The following VSTM2L variants were observed in gnomAD, a reference collection of about 807,000 sequenced individuals.
VSTM2L encodes V-set and transmembrane domain containing 2 like.
Under a neutral mutation model 19.9 loss-of-function variants are expected in VSTM2L, and 9 were observed. That is an observed-to-expected ratio of 0.45 (90% CI 0.27 to 0.79). The LOEUF (loss-of-function observed/expected upper bound fraction) is 0.79. Ranked by LOEUF, VSTM2L falls within the 30% of genes least tolerant of loss-of-function variation. The probability of loss-of-function intolerance (pLI) is 0.15; values close to 1 mark genes in which losing one functional copy is unlikely to be tolerated. For synonymous variants in VSTM2L, 127 were observed against 133.8 expected (o/e 0.95, Z 0.35); for missense variants, 286 against 295.5 (o/e 0.97, Z 0.24).
chr20:37,915,835 C>T (rs991385987), intron 1 of VSTM2L, among the ~76,000 whole-genome samples: 2 of 152,072 alleles, frequency 1.3e-5, no homozygotes, highest in African/African-American at 2.4e-5. Flanking sequence ...CACTGGGCAC[C>T]CTCAGAGCCT....
At chr20:37,919,243 CCTT>C (rs1313379048) in intron 1 of VSTM2L, among the ~76,000 whole-genome samples, 5 of 152,232 alleles carry the variant, frequency 3.3e-5, no homozygotes, top group Admixed American at 6.5e-5. Flanking sequence ...TTACAAAATG[CCTT>C]CTTCTTGGCT....
chr20:37,936,724 G>A (rs956180128), intron 3 of VSTM2L, among the ~76,000 whole-genome samples: 7 of 152,294 alleles, frequency 4.6e-5, no homozygotes, highest in Middle Eastern at 3.4e-3. Context: ...CCTGGTTCCA[G>A]CTCTGCCACC....
chr20:37,935,314 C>T (rs2072933377), intron 3 of VSTM2L, among the ~76,000 whole-genome samples: 1 of 152,252 alleles, frequency 6.6e-6, no homozygotes, highest in African/African-American at 2.4e-5. Flanking sequence ...GGGCCAAGCT[C>T]CTCGTGCAGA....
intron 1 of VSTM2L, among the ~76,000 whole-genome samples, chr20:37,926,597 A>G (rs1600568888): frequency 6.6e-6 from 1 of 152,314 alleles, no homozygotes; most frequent in Middle Eastern, 3.4e-3. Flanking sequence ...TGCGGTTTTG[A>G]CCATTACTTT....
At chr20:37,923,832 T>C (rs79002312) in intron 1 of VSTM2L, among the ~76,000 whole-genome samples, 2,485 of 152,300 alleles carry the variant, frequency 0.016, 60 homozygotes, top group African/African-American at 0.057. Context: ...GTCTGTGGCC[T>C]TGGGCAAGTC....
chr20:37,910,757 A>T lies in VSTM2L; in HGVS notation c.121+7286A>T, dbSNP rs192393708. Among the ~76,000 whole-genome samples the T allele has an allele frequency of 5.8e-4, 88 of 151,740 alleles. 1 individual carries two copies. In the East Asian group the frequency reaches 0.016, roughly 28 times the overall value. On this transcript the variant is annotated intron_variant, in intron 1 of 3. Coordinates refer to ENST00000373461, the MANE Select transcript of VSTM2L (RefSeq NM_080607.3). ...AGTGGACCCTGTCTCTCAAACAAAA[A>T]AAATACAGAATTACCCAGGTGTAGT...
chr20:37,928,528 G>A (rs905399757), intron 1 of VSTM2L, among the ~76,000 whole-genome samples: 1 of 152,186 alleles, frequency 6.6e-6, no homozygotes, highest in African/African-American at 2.4e-5. Context: ...GCCAAGGCGG[G>A]GAGATTGCTT....
At chr20:37,929,896 T>C (rs2072899028) in intron 1 of VSTM2L, among the ~76,000 whole-genome samples, 2 of 152,266 alleles carry the variant, frequency 1.3e-5, no homozygotes, top group South Asian at 4.1e-4. Context: ...GGGATCTTCC[T>C]TCCAGGTGCC....
intron 1 of VSTM2L, among the ~76,000 whole-genome samples, chr20:37,924,546 C>T (rs1422250746): frequency 2.2e-5 from 3 of 137,554 alleles, no homozygotes; most frequent in Non-Finnish European, 4.7e-5. Context: ...AAGAGTGAGA[C>T]TCTGTCTCAA....
rs781211069 is a variant in VSTM2L at position 37,944,021 on chromosome 20, G to A, written c.383G>A (p.Arg128His). The A allele has an allele frequency of 8.1e-6, 13 of 1,601,572 alleles. No individual in the cohort carries two copies. Among genetic ancestry groups the A allele is most frequent in the Admixed American group, 1.7e-5 (1 of 59,206 alleles). The change falls in exon 4 of 4, where the codon CGC (arginine) becomes CAC (histidine). Residue 128 changes from arginine (R) to histidine (H), a missense_variant. Arg to His is a conservative substitution (Grantham distance 29, BLOSUM62 0). Transcript: ENST00000373461. The stretch of plus-strand genomic sequence containing the variant: ...GGCAGCAACATCTCCCACAAGCTGC[G>A]CCTGTCCCGGGTGAAGCCCACGGAC... ...VVGSNISHKL[R>H]LSRVKPTDEG...
chr20:37,926,725 A>T (rs750724344), intron 1 of VSTM2L, among the ~76,000 whole-genome samples: 2 of 151,998 alleles, frequency 1.3e-5, no homozygotes, highest in Non-Finnish European at 2.9e-5. Flanking sequence ...TCAAATCCAG[A>T]CTCTACTATG....
intron 1 of VSTM2L, among the ~76,000 whole-genome samples, chr20:37,929,079 G>C (rs947151066): frequency 2.6e-5 from 4 of 152,334 alleles, no homozygotes; most frequent in Admixed American, 2.6e-4. Context: ...TGGAGGGAAG[G>C]GTGGTTTGAA....
In VSTM2L at chr20:37,935,589, G is replaced by C. The variant is rs957172445; in HGVS notation, c.342+2000G>C. ...AAGCTGTTCCTCTCTCTCTTCCCAC[G>C]GAGCTCAGCTTGGGGAAGCGTCCCT... On this transcript the variant is annotated intron_variant, in intron 3 of 3. Transcript: ENST00000373461. Among the ~76,000 whole-genome samples the C allele has an allele frequency of 2.6e-5, 4 of 152,064 alleles. No individual in the cohort carries two copies. In the South Asian group the frequency reaches 8.3e-4, roughly 32 times the overall value.
Position 37,931,161 on chromosome 20 carries a change from G to A in VSTM2L, c.122-474G>A, listed in dbSNP as rs117060261. 9.8e-3 allele frequency among the ~76,000 whole-genome samples: 1,499 copies of A among 152,322 alleles called. 15 individuals are homozygous for A. Among genetic ancestry groups the A allele is most frequent in the Non-Finnish European group, 0.016 (1,059 of 68,020 alleles). Reference sequence around the variant, plus strand: ...GGGTCCCAGGGGAGGGTTCTAAGCAGGGGAGAGGCCACATCTGATTTGGTT... The same window carrying A: ...GGGTCCCAGGGGAGGGTTCTAAGCAAGGGAGAGGCCACATCTGATTTGGTT... On this transcript the variant is annotated intron_variant, in intron 1 of 3. Transcript: ENST00000373461.
chr20:37,939,382 C>T (rs945369111), intron 3 of VSTM2L, among the ~76,000 whole-genome samples: 16 of 152,014 alleles, frequency 1.1e-4, no homozygotes, highest in African/African-American at 3.6e-4. Flanking sequence ...CACGCCAGGG[C>T]ACTCCAGCCT....
chr20:37,908,420 G>A (rs2072762556), intron 1 of VSTM2L, among the ~76,000 whole-genome samples: 1 of 152,210 alleles, frequency 6.6e-6, no homozygotes, highest in Admixed American at 6.5e-5. Flanking sequence ...CTCTCTTACA[G>A]ATGAGAAGAC....
intron 1 of VSTM2L, among the ~76,000 whole-genome samples, chr20:37,922,738 A>G (rs1002784040): frequency 5.9e-5 from 9 of 152,038 alleles, no homozygotes; most frequent in African/African-American, 1.7e-4. Context: ...GGGGTCTGGG[A>G]TGGGGAATCT....
At position 37,933,536 on chromosome 20, in the gene VSTM2L, C is replaced by T; in HGVS notation, c.292-3C>T. 10 of 1,611,326 alleles carry T rather than the reference C, an allele frequency of 6.2e-6. No homozygotes were observed. The highest frequency in any genetic ancestry group is 8.5e-6 in the Non-Finnish European group (10 of 1,178,886). On this transcript the variant is annotated splice_polypyrimidine_tract_variant and splice_region_variant and intron_variant, in intron 2 of 3. Transcript: ENST00000373461. ...TCTCTCCGCCCCTCCCCGATCCCAA[C>T]AGCTAAAAGCATCTCAGCAGGAAGA...
intron 1 of VSTM2L, among the ~76,000 whole-genome samples, chr20:37,919,493 G>A (rs953910860): frequency 4.6e-5 from 7 of 152,224 alleles, no homozygotes; most frequent in East Asian, 1.9e-4. Context: ...TCTTCTTATG[G>A]GGATTTTATG....
Sources: allele counts gnomAD v4.1 joint callset (sites outside exome capture counted in the v4.1 genomes callset), GRCh38; gene constraint gnomAD v4.1.1; transcripts MANE v1.5; gene names NCBI Gene and HGNC (gene_info 2026-07-23, HGNC 2026-07-21).